The following FSHR variants were observed in gnomAD, a reference collection of about 807,000 sequenced individuals.
FSHR encodes the protein follicle stimulating hormone receptor.
Under a neutral mutation model 52.1 loss-of-function variants are expected in FSHR, and 46 were observed. That is an observed-to-expected ratio of 0.88 (90% confidence interval 0.70 to 1.13). The LOEUF (loss-of-function observed/expected upper bound fraction) is 1.13. Among genes scored for constraint, FSHR ranks in the 50% most tolerant of loss-of-function variants. The pLI, the probability that FSHR is intolerant of heterozygous loss-of-function variation, is 0.00. For missense variants in FSHR, 964 were observed against 834.6 expected (o/e 1.16, Z -1.91); for synonymous variants, 399 against 309.6 (o/e 1.29, Z -3.03).
At chr2:49,053,288 T>C (rs1202028885) in intron 2 of FSHR, among the ~76,000 whole-genome samples, 9 of 152,188 alleles carry the variant, frequency 5.9e-5, no homozygotes, top group Non-Finnish European at 7.3e-5. Flanking sequence ...TGCTCCTATT[T>C]CCAAAGATAT....
intron 1 of FSHR, among the ~76,000 whole-genome samples, chr2:49,107,419 C>T (rs1671267826): frequency 1.3e-5 from 2 of 152,254 alleles, no homozygotes; most frequent in Non-Finnish European, 2.9e-5. Flanking sequence ...TACTGTGACT[C>T]TAGGCTGACC....
chr2:49,110,072 T>C (rs1457687766), intron 1 of FSHR, among the ~76,000 whole-genome samples: 1 of 152,166 alleles, frequency 6.6e-6, no homozygotes, highest in Non-Finnish European at 1.5e-5. Flanking sequence ...TTTTGTAAAC[T>C]GAGTCATGCA....
At chr2:49,003,100 G>A (rs972772045) in intron 4 of FSHR, among the ~76,000 whole-genome samples, 12 of 152,166 alleles carry the variant, frequency 7.9e-5, no homozygotes, top group Admixed American at 5.2e-4. Context: ...TTCTGTGGGT[G>A]AGCTCGTGAT....
intron 4 of FSHR, among the ~76,000 whole-genome samples, chr2:49,009,055 G>A (rs1487779628): frequency 6.6e-6 from 1 of 150,410 alleles, no homozygotes; most frequent in East Asian, 2.0e-4. Flanking sequence ...GTCAATTTTG[G>A]CTTTTGTTGC....
intron 8 of FSHR, among the ~76,000 whole-genome samples, chr2:48,971,126 G>T (rs749128862): frequency 1.3e-5 from 2 of 152,150 alleles, no homozygotes; most frequent in Admixed American, 6.5e-5. Context: ...ACAAGTCACT[G>T]TATACAGTGT....
At chr2:49,053,020 C>T (rs1443629822) in intron 2 of FSHR, among the ~76,000 whole-genome samples, 6 of 152,008 alleles carry the variant, frequency 3.9e-5, no homozygotes, top group African/African-American at 1.5e-4. Context: ...TCTAAAAGTC[C>T]CTCTGTTAAG....
chr2:49,018,827 G>T (rs981781377), intron 3 of FSHR, among the ~76,000 whole-genome samples: 1 of 117,364 alleles, frequency 8.5e-6, no homozygotes, highest in East Asian at 2.6e-4. Flanking sequence ...TCACACACAC[G>T]CGCATGCACA....
chr2:49,057,988 C>T (rs962839478), intron 2 of FSHR, among the ~76,000 whole-genome samples: 2 of 152,088 alleles, frequency 1.3e-5, no homozygotes, highest in Non-Finnish European at 2.9e-5. Flanking sequence ...TAAAAACTCT[C>T]AATAAATTAG....
intron 1 of FSHR, among the ~76,000 whole-genome samples, chr2:49,075,038 G>T (rs1669895685): frequency 6.6e-6 from 1 of 152,018 alleles, no homozygotes; most frequent in Admixed American, 6.6e-5. Context: ...GGCTGGGAAG[G>T]GTATGGGGAC....
intron 2 of FSHR, among the ~76,000 whole-genome samples, chr2:49,055,811 A>G (rs964089088): frequency 1.3e-5 from 2 of 152,136 alleles, no homozygotes; most frequent in African/African-American, 2.4e-5. Flanking sequence ...CAGCAAAGCT[A>G]CATTTCAGAA....
intron 1 of FSHR, among the ~76,000 whole-genome samples, chr2:49,130,523 G>T (rs535007321): frequency 6.6e-6 from 1 of 152,264 alleles, no homozygotes; most frequent in East Asian, 1.9e-4. Context: ...ATCCAATTCA[G>T]TTCAACTCAT....
At chr2:49,137,545 A>G (rs2103827263) in intron 1 of FSHR, among the ~76,000 whole-genome samples, 1 of 152,220 alleles carries the variant, frequency 6.6e-6, no homozygotes, top group Non-Finnish European at 1.5e-5. Flanking sequence ...ATCCTGAAGG[A>G]GAACAAAGTT....
chr2:49,068,194 A>G lies in FSHR; in HGVS notation c.224+25T>C, dbSNP rs1474367494. 5 of 1,585,858 alleles carry G rather than the reference A, an allele frequency of 3.2e-6. No homozygotes were observed. The East Asian group carries it at 1.1e-4, about 36-fold the overall frequency. ...TCCCTATAGCCCCCTTGAGGCATTC[A>G]CTCACAGCAGTGCTAGGTACATACA... is the stretch of plus-strand genomic sequence containing the variant. On this transcript the variant is annotated intron_variant, in intron 2 of 9. Transcript: ENST00000406846.
intron 1 of FSHR, among the ~76,000 whole-genome samples, chr2:49,096,902 A>G (rs1367969187): frequency 6.6e-6 from 1 of 152,124 alleles, no homozygotes; most frequent in Non-Finnish European, 1.5e-5. Flanking sequence ...TGCTCTGGCC[A>G]TGTGATATGC....
chr2:48,978,823 C>G (rs1675109422), intron 8 of FSHR, among the ~76,000 whole-genome samples: 1 of 152,208 alleles, frequency 6.6e-6, no homozygotes, highest in Non-Finnish European at 1.5e-5. Flanking sequence ...CTCAGGTGTT[C>G]AGAGGCTCCC....
chr2:49,003,247 C>T (rs1029639189), intron 4 of FSHR, among the ~76,000 whole-genome samples: 1 of 152,158 alleles, frequency 6.6e-6, no homozygotes, highest in Non-Finnish European at 1.5e-5. Context: ...CCCCTCTCTA[C>T]CCAAACAAAA....
chr2:49,011,012 T>G (rs1667250128), intron 4 of FSHR, among the ~76,000 whole-genome samples: 1 of 151,332 alleles, frequency 6.6e-6, no homozygotes, highest in Admixed American at 6.6e-5. Context: ...GAAGGGTTTT[T>G]TGTGTCTCTA....
At chr2:49,147,087 T>G (rs1206179661) in intron 1 of FSHR, among the ~76,000 whole-genome samples, 6 of 152,050 alleles carry the variant, frequency 3.9e-5, no homozygotes. Flanking sequence ...ACATATCCTT[T>G]GAAGATTTTC....
chr2:49,022,404 C>T (rs1043175334), intron 2 of FSHR, among the ~76,000 whole-genome samples: 4 of 151,832 alleles, frequency 2.6e-5, no homozygotes, highest in Admixed American at 1.3e-4. Flanking sequence ...TTTGGCCAGA[C>T]GAGGGTTGGG....
Sources: allele counts gnomAD v4.1 joint callset (sites outside exome capture counted in the v4.1 genomes callset), GRCh38; gene constraint gnomAD v4.1.1; transcripts MANE v1.5; gene names NCBI Gene and HGNC (gene_info 2026-07-23, HGNC 2026-07-21).